Variants in TMEM237 observed in about 807,000 individuals in gnomAD.
The protein encoded by TMEM237 is transmembrane protein 237, also known as amyotrophic lateral sclerosis 2 (juvenile) chromosome region, candidate 4.
In TMEM237, 51 loss-of-function variants were observed where a neutral mutation model predicts 59.1. The observed-to-expected ratio is 0.86, with a 90% CI of 0.69 to 1.09. The LOEUF (loss-of-function observed/expected upper bound fraction) is 1.09. Among genes scored for constraint, TMEM237 ranks in the 50% least tolerant of loss-of-function variants. TMEM237 has a pLI of 0.00. For synonymous variants in TMEM237, 140 were observed against 166.1 expected, an observed-to-expected ratio of 0.84 and a Z score of 1.21; for missense variants, 475 against 478.3, an observed-to-expected ratio of 0.99 and a Z score of 0.06.
intron 6 of TMEM237, 47 bp downstream of exon 6, chr2:201,633,264 A>T (rs1299684600): frequency 6.4e-7 from 1 of 1,558,174 alleles, no homozygotes; most frequent in East Asian, 2.3e-5. Flanking sequence ...CAAACAAAGC[A>T]TCAGGGTAAT....
chr2:201,629,110 C>A, intron 9 of TMEM237, 120 bp downstream of exon 9: 1 of 767,810 alleles, frequency 1.3e-6, no homozygotes, highest in Non-Finnish European at 1.8e-6. Flanking sequence ...GGCCTTAAAA[C>A]TTTTTGAAGT....
At position 201,626,110 on chromosome 2, in the gene TMEM237, T is replaced by A. The variant is rs1221734942; in HGVS notation, c.1075A>T (p.Ile359Phe). The change falls in exon 12 of 13, where the codon ATT becomes TTT. Residue 359 changes from isoleucine (I) to phenylalanine (F), a missense_variant. Ile to Phe is a conservative substitution (Grantham distance 21). Transcript: ENST00000409883. ...AGAGCCACCACGAGATTCACCACAATCCATGGCTGGAGAATCTGTTCCTCA... is the reference window on the plus strand; with the variant it reads ...AGAGCCACCACGAGATTCACCACAAACCATGGCTGGAGAATCTGTTCCTCA... ...GIEEQILQPW[I>F]VVNLVVALLV... 3 of 1,610,596 alleles carry A rather than the reference T, an allele frequency of 1.9e-6. No homozygotes were observed. Among genetic ancestry groups the A allele is most frequent in the Non-Finnish European group, 2.5e-6 (3 of 1,178,392 alleles).
chr2:201,640,025 C>T (rs1687383450), intron 3 of TMEM237, among the ~76,000 whole-genome samples: 1 of 152,126 alleles, frequency 6.6e-6, no homozygotes, highest in Non-Finnish European at 1.5e-5. Context: ...ACAAATTAGC[C>T]AACAGTTATG....
intron 1 of TMEM237, chr2:201,642,692 C>G (rs765334942): frequency 4.4e-6 from 7 of 1,591,488 alleles, no homozygotes; most frequent in Non-Finnish European, 6.0e-6. Flanking sequence ...CCTCCCGGCT[C>G]GGTCGCGCGC....
At chr2:201,636,565 G>A (rs1687299912) in intron 5 of TMEM237, 183 bp downstream of exon 5, 2 of 637,012 alleles carry the variant, frequency 3.1e-6, no homozygotes, top group Non-Finnish European at 5.2e-6. Flanking sequence ...GATCAAAAGA[G>A]ACCTGTAAAG....
intron 7 of TMEM237, among the ~76,000 whole-genome samples, 171 bp from the exon 8 acceptor site, chr2:201,630,023 T>C (rs940599841): frequency 1.6e-4 from 25 of 152,118 alleles, no homozygotes; most frequent in African/African-American, 6.0e-4. Context: ...TTTCTTGGGG[T>C]TCCTTAAACA....
Position 201,629,228 on chromosome 2 carries a change from A to T in TMEM237, c.869+2T>A, listed in dbSNP as rs776740098. 5.8e-6 allele frequency: 9 copies of T among 1,552,272 alleles called. No individual in the cohort carries two copies. Among genetic ancestry groups the T allele is most frequent in the Non-Finnish European group, 7.8e-6 (9 of 1,156,216 alleles). ...AGACAGATCTGGAGTCATAGGCATT[A>T]CCTGTCAAAAGCTGAAATTGTACTC... On this transcript the variant is annotated splice_donor_variant, in intron 9 of 12. Transcript: ENST00000409883. LOFTEE classifies it high-confidence loss of function.
chr2:201,622,922 G>A lies in TMEM237; in HGVS notation c.*1333C>T, dbSNP rs75157202. 405 of 156,588 alleles carry A rather than the reference G, an allele frequency of 2.6e-3. 1 individual carries two copies. The highest frequency in any genetic ancestry group is 9.1e-3 in the African/African-American group (379 of 41,782). 9.7% of individuals were successfully genotyped at this position (156,588 alleles called of 1,614,324 possible). On this transcript the variant is annotated 3_prime_UTR_variant, in exon 13 of 13. Coordinates refer to ENST00000409883, the MANE Select transcript of TMEM237 (RefSeq NM_001044385.3). ...CATGGCTTCCCTGAAGTTTGCTGACGGGGAAGATTATGAACTCCTATACTG... is the reference window on the plus strand; with the variant it reads ...CATGGCTTCCCTGAAGTTTGCTGACAGGGAAGATTATGAACTCCTATACTG...
At chr2:201,624,543 G>C (rs1029185302) in intron 12 of TMEM237, among the ~76,000 whole-genome samples, 3 of 151,980 alleles carry the variant, frequency 2.0e-5, no homozygotes, top group African/African-American at 7.2e-5. Context: ...TTAAATTATA[G>C]ACCCCTTAAA....
At position 201,632,211 on chromosome 2, in the gene TMEM237, G is replaced by A. The variant is rs755160259; in HGVS notation, c.396-3C>T. The A allele has an allele frequency of 2.5e-6, 4 of 1,613,368 alleles. No individual in the cohort carries two copies. The African/African-American group carries it at 4.0e-5, about 16-fold the overall frequency. ...GTAATTCTGCTGGCTGGGTTTTCCT[G>A]TAATAAGGACGTATGTATGAAAAAT... On this transcript the variant is annotated splice_region_variant and splice_polypyrimidine_tract_variant and intron_variant, in intron 6 of 12. Transcript: ENST00000409883.
chr2:201,643,287 CACCCA>C lies in TMEM237; in HGVS notation c.42+67_42+71del. 7.1e-7 allele frequency: 1 copy of C among 1,406,998 alleles called. No homozygotes were observed. Among genetic ancestry groups the C allele is most frequent in the Non-Finnish European group, 9.8e-7 (1 of 1,023,088 alleles). The allele number at this position is 1,406,998 out of a possible 1,614,324, so 87.2% of individuals were successfully genotyped here. A position where few individuals can be genotyped will look rare whatever the true frequency, so the allele number is the denominator to read the frequency against. Reference sequence around the variant, plus strand: ...CAGCTCGTTGGCGCCCCCCCACACACACCCACCCCCACTGCCAAGTGTAGCTGTTT... The same window carrying C: ...CAGCTCGTTGGCGCCCCCCCACACACCCCCCACTGCCAAGTGTAGCTGTTT... On this transcript the variant is annotated intron_variant, in intron 1 of 12. Transcript: ENST00000409883. This position sits in a 1 kb window ranked among gnomAD's most constrained non-coding sequence, Gnocchi z 4.3.
At chr2:201,631,002 C>A (rs1408912602) in intron 7 of TMEM237, 1 of 152,058 alleles carries the variant, frequency 6.6e-6, no homozygotes, top group Admixed American at 6.6e-5. Flanking sequence ...TTAACATATC[C>A]ATGGTAGTAT....
In TMEM237 at chr2:201,621,861, C is replaced by T. The variant is rs910436535; in HGVS notation, c.*2394G>A. ...AGAAAGTTACATGAATTCTCATCGA[C>T]GGCCTCAGCAATGTGCCTCAAGTGT... On this transcript the variant is annotated 3_prime_UTR_variant, in exon 13 of 13. Transcript: ENST00000409883. 12 of 152,764 alleles carry T rather than the reference C, an allele frequency of 7.9e-5. No individual in the cohort carries two copies. Among genetic ancestry groups the T allele is most frequent in the African/African-American group, 2.4e-4 (10 of 41,580 alleles). 9.5% of individuals were successfully genotyped at this position (152,764 alleles called of 1,614,324 possible).
At chr2:201,639,993 G>A (rs1236084633) in intron 3 of TMEM237, among the ~76,000 whole-genome samples, 1 of 152,186 alleles carries the variant, frequency 6.6e-6, no homozygotes, top group Non-Finnish European at 1.5e-5. Context: ...ACAAAGGAAG[G>A]TGCAGTCCTC....
rs755252433 is a variant in TMEM237 at position 201,632,063 on chromosome 2, C to T, written c.541G>A (p.Val181Met). 1.9e-5 allele frequency: 30 copies of T among 1,613,500 alleles called. No individual in the cohort carries two copies. The South Asian group carries it at 2.9e-4, about 15-fold the overall frequency. The change falls in exon 7 of 13, where the codon GTG becomes ATG. Residue 181 changes from valine to methionine, a missense_variant. Physicochemically the swap from Val to Met is conservative, Grantham distance 21. Coordinates refer to ENST00000409883, the MANE Select transcript of TMEM237 (RefSeq NM_001044385.3). The stretch of plus-strand genomic sequence containing the variant: ...GGCATCTACTTACGGCTTTTTTCCA[C>T]AAATACTTTGCCTACAGGCTGGCTA... ...GISQPVGKVF[V>M]EKSRRFQAAD...
rs1444056051 is a variant in TMEM237, at chr2:201,635,323, T to A, written c.274+1425A>T. Among the ~76,000 whole-genome samples, 9 of 152,158 alleles carry A rather than the reference T, an allele frequency of 5.9e-5. No homozygotes were observed. Among genetic ancestry groups the A allele is most frequent in the Non-Finnish European group, 1.3e-4 (9 of 68,032 alleles). On this transcript the variant is annotated intron_variant, in intron 5 of 12. Coordinates refer to ENST00000409883, the MANE Select transcript of TMEM237 (RefSeq NM_001044385.3). This position sits in a 1 kb window ranked among gnomAD's most constrained non-coding sequence, Gnocchi z 4.5. Reference sequence around the variant, plus strand: ...AAGATGAGGTCATGCTAGATTGGAATGGGCCCTAAATCCAACAACTGATAT... The same window carrying A: ...AAGATGAGGTCATGCTAGATTGGAAAGGGCCCTAAATCCAACAACTGATAT...
rs1553660344 is a variant in TMEM237, at chr2:201,629,326, A to AGGTT, written c.769_772dup (p.Leu258GlnfsTer33). The AGGTT allele has an allele frequency of 6.2e-7, 1 of 1,611,870 alleles. No homozygotes were observed. The highest frequency in any genetic ancestry group is 1.3e-5 in the African/African-American group (1 of 75,010). ...CTTGTATTGTTGCAGAAGGTTTGAG[A>AGGTT]GGTTGGATAGCTGATCTCCTGCTAG... On this transcript the variant is annotated frameshift_variant, in exon 9 of 13. Coordinates refer to ENST00000409883, the MANE Select transcript of TMEM237 (RefSeq NM_001044385.3). LOFTEE classifies it high-confidence loss of function.
intron 5 of TMEM237, 40 bp from the exon 6 acceptor site, chr2:201,633,471 C>T (rs1687224280): frequency 6.9e-7 from 1 of 1,449,808 alleles, no homozygotes; most frequent in African/African-American, 1.4e-5. Context: ...ATAACTAAAA[C>T]ATAAAAAGAA....
intron 7 of TMEM237, 36 bp downstream of exon 7, chr2:201,632,015 A>G: frequency 6.2e-7 from 1 of 1,605,028 alleles, no homozygotes; most frequent in African/African-American, 1.3e-5. Context: ...GACAATTTTT[A>G]AAGAGTTCAT....
Sources: allele counts gnomAD v4.1 joint callset (sites outside exome capture counted in the v4.1 genomes callset), GRCh38; gene constraint gnomAD v4.1.1; non-coding constraint Gnocchi (gnomAD v3.1); transcripts MANE v1.5; gene names NCBI Gene and HGNC (gene_info 2026-07-23, HGNC 2026-07-21).